Variants in NELL1 observed in about 807,000 individuals in gnomAD.
The protein encoded by NELL1 is neural EGFL like 1, also known as protein kinase C-binding protein NELL1.
In NELL1, 76 loss-of-function variants were observed where a neutral mutation model predicts 107.4. That is an observed-to-expected ratio of 0.71 (90% CI 0.59 to 0.86). The LOEUF (loss-of-function observed/expected upper bound fraction) is 0.86, where lower values mean the gene tolerates loss of function less well. Ranked by LOEUF, NELL1 falls within the 40% of genes least tolerant of loss-of-function variation. The pLI is 0.00. For missense variants in NELL1, 1,024 were observed against 1,005.5 expected (o/e 1.02, Z -0.25); for synonymous variants, 353 against 341.2 (o/e 1.03, Z -0.38).
chr11:21,518,979 G>C (rs921690125), intron 15 of NELL1, among the ~76,000 whole-genome samples: 4 of 152,042 alleles, frequency 2.6e-5, no homozygotes, highest in Non-Finnish European at 5.9e-5. Context: ...GTAGCTCCAG[G>C]GTTGGTTCAG....
chr11:21,397,956 G>A (rs189798896), intron 15 of NELL1, among the ~76,000 whole-genome samples: 9 of 151,456 alleles, frequency 5.9e-5, no homozygotes, highest in East Asian at 5.9e-4. Context: ...CTCTTCTGTC[G>A]CCAGAATTGT....
intron 13 of NELL1, among the ~76,000 whole-genome samples, chr11:21,165,705 A>C (rs1469103618): frequency 1.3e-5 from 2 of 151,500 alleles, no homozygotes; most frequent in Non-Finnish European, 2.9e-5. Flanking sequence ...GATAAAGAAA[A>C]TGTGGAACAA....
chr11:20,774,781 C>T (rs892844202), intron 2 of NELL1, among the ~76,000 whole-genome samples: 1 of 152,076 alleles, frequency 6.6e-6, no homozygotes, highest in African/African-American at 2.4e-5. Flanking sequence ...ATAAGAACAT[C>T]GAGAGCATCT....
intron 4 of NELL1, among the ~76,000 whole-genome samples, chr11:20,872,427 C>T (rs1849219447): frequency 1.3e-5 from 2 of 152,190 alleles, no homozygotes; most frequent in South Asian, 4.1e-4. Flanking sequence ...GTGATCTGCC[C>T]ACCTTGGCTT....
intron 16 of NELL1, among the ~76,000 whole-genome samples, chr11:21,543,172 T>G (rs1856336839): frequency 6.6e-6 from 1 of 152,080 alleles, no homozygotes; most frequent in Non-Finnish European, 1.5e-5. Flanking sequence ...TAAGATATTT[T>G]TTGGTTAAAT....
chr11:20,976,466 G>A (rs992976141), intron 12 of NELL1, among the ~76,000 whole-genome samples: 2 of 151,938 alleles, frequency 1.3e-5, no homozygotes, highest in African/African-American at 4.8e-5. Context: ...AAATTCAAAG[G>A]GGTAACTTAA....
chr11:20,796,432 G>A (rs1196961319), intron 3 of NELL1, among the ~76,000 whole-genome samples: 1 of 151,970 alleles, frequency 6.6e-6, no homozygotes, highest in East Asian at 1.9e-4. Flanking sequence ...TTTCTCCTTG[G>A]GTAATTCTTT....
chr11:20,841,908 C>G (rs528574714), intron 3 of NELL1, among the ~76,000 whole-genome samples: 22 of 152,312 alleles, frequency 1.4e-4, no homozygotes, highest in Admixed American at 4.6e-4. Flanking sequence ...GATTGCAACT[C>G]AAGCTTCAGT....
At chr11:21,517,722 C>G (rs549763755) in intron 15 of NELL1, among the ~76,000 whole-genome samples, 1 of 152,066 alleles carries the variant, frequency 6.6e-6, no homozygotes, top group Non-Finnish European at 1.5e-5. Context: ...GGATATACAG[C>G]AAATGGTCAT....
chr11:20,991,991 C>CA lies in NELL1; in HGVS notation c.1300+31451dup, dbSNP rs57278158. ...GTTCTTTCAAAGCCAGTGTAGCATG[C>CA]AAAAAAAAAAAAAAAAAAAAGTTGA... On this transcript the variant is annotated intron_variant, in intron 12 of 19. Coordinates refer to ENST00000357134, the MANE Select transcript of NELL1 (RefSeq NM_006157.5). Among the ~76,000 whole-genome samples the CA allele has an allele frequency of 4.5e-3, 497 of 109,996 alleles. 9 individuals carry two copies. The highest frequency in any genetic ancestry group is 0.016 in the African/African-American group (471 of 29,026). The allele number at this position is 109,996 out of a possible 152,430, so 72.2% of individuals were successfully genotyped here. A position where few individuals can be genotyped will look rare whatever the true frequency, so the allele number is the denominator to read the frequency against.
At chr11:20,796,988 A>G (rs1225014035) in intron 3 of NELL1, among the ~76,000 whole-genome samples, 1 of 152,242 alleles carries the variant, frequency 6.6e-6, no homozygotes, top group East Asian at 1.9e-4. Context: ...CAGTGCATTA[A>G]AAGAACTGAA....
intron 15 of NELL1, among the ~76,000 whole-genome samples, chr11:21,520,517 A>G (rs943331966): frequency 6.6e-6 from 1 of 152,182 alleles, no homozygotes; most frequent in African/African-American, 2.4e-5. Flanking sequence ...TAGGGGTGGT[A>G]ATATGATGAT....
At chr11:20,690,676 G>A (rs1379006248) in intron 2 of NELL1, among the ~76,000 whole-genome samples, 1 of 151,844 alleles carries the variant, frequency 6.6e-6, no homozygotes, top group Non-Finnish European at 1.5e-5. Context: ...TGCTGTTTTG[G>A]TTACCGTAGC....
intron 3 of NELL1, among the ~76,000 whole-genome samples, chr11:20,793,670 T>G (rs974442026): frequency 1.3e-5 from 2 of 152,170 alleles, no homozygotes; most frequent in Non-Finnish European, 2.9e-5. Context: ...CTATATAGTG[T>G]TTTTATTTTC....
At chr11:21,252,121 A>G (rs1268829320) in intron 14 of NELL1, among the ~76,000 whole-genome samples, 2 of 152,190 alleles carry the variant, frequency 1.3e-5, no homozygotes, top group African/African-American at 4.8e-5. Flanking sequence ...TATAGATGAG[A>G]CAACAGAGAC....
chr11:20,980,594 G>T lies in NELL1; in HGVS notation c.1300+20034G>T, dbSNP rs773928195. Among the ~76,000 whole-genome samples, 50 of 152,184 alleles carry T rather than the reference G, an allele frequency of 3.3e-4. 1 individual carries two copies. Among genetic ancestry groups the T allele is most frequent in the Non-Finnish European group, 7.3e-5 (5 of 68,028 alleles). ...AATTCAGTATTTTTGAAAATAAAAT[G>T]TAGAAATAAGCCTAAATAAGTTCTA... On this transcript the variant is annotated intron_variant, in intron 12 of 19. Transcript: ENST00000357134.
intron 16 of NELL1, among the ~76,000 whole-genome samples, chr11:21,535,588 G>A (rs576036342): frequency 2.0e-5 from 3 of 152,246 alleles, no homozygotes; most frequent in African/African-American, 7.2e-5. Context: ...ATGCAGTATA[G>A]TTACTAAAAG....
intron 15 of NELL1, among the ~76,000 whole-genome samples, chr11:21,533,457 G>A (rs1856047168): frequency 6.6e-6 from 1 of 152,194 alleles, no homozygotes; most frequent in South Asian, 2.1e-4. Context: ...GGCAGCAGTA[G>A]CTACATTCTA....
intron 3 of NELL1, among the ~76,000 whole-genome samples, chr11:20,845,369 A>G (rs1384893336): frequency 6.6e-6 from 1 of 152,220 alleles, no homozygotes; most frequent in Non-Finnish European, 1.5e-5. Context: ...AACCCCAAGA[A>G]TAATGATGAA....
Sources: gnomAD v4.1 joint callset for allele counts (sites outside exome capture counted in the v4.1 genomes callset) on GRCh38, gnomAD v4.1.1 for gene constraint, MANE v1.5 for transcripts, NCBI Gene and HGNC (gene_info 2026-07-23, HGNC 2026-07-21) for gene names.